Variants in NETO2 observed in about 807,000 individuals in gnomAD.
NETO2 encodes neuropilin and tolloid like 2, also known as neuropilin and tolloid-like protein 2.
In NETO2, 28 loss-of-function variants were observed where a neutral mutation model predicts 62.5. That is an observed-to-expected ratio of 0.45 (90% CI 0.33 to 0.61). The LOEUF is 0.61. Among genes scored for constraint, NETO2 ranks in the 20% least tolerant of loss-of-function variants. NETO2 has a pLI of 0.02. For synonymous variants in NETO2, 214 were observed against 219.1 expected, an observed-to-expected ratio of 0.98 and a Z score of 0.21; for missense variants, 548 against 643.2, an observed-to-expected ratio of 0.85 and a Z score of 1.60.
intron 3 of NETO2, 143 bp from the exon 4 acceptor site, chr16:47,128,716 G>T: frequency 2.4e-6 from 2 of 849,132 alleles, no homozygotes; most frequent in Non-Finnish European, 3.6e-6. Context: ...TACAAGTCAT[G>T]ATAAATGTAT....
intron 7 of NETO2, among the ~76,000 whole-genome samples, chr16:47,108,841 C>CG (rs1963727921): frequency 6.6e-6 from 1 of 152,120 alleles, no homozygotes; most frequent in African/African-American, 2.4e-5. Flanking sequence ...TCTGAGTGAA[C>CG]GGCACATAGG....
At chr16:47,132,060 T>G (rs1478923081) in intron 1 of NETO2, 35 bp from the exon 2 acceptor site, 1 of 1,484,194 alleles carries the variant, frequency 6.7e-7, no homozygotes, top group Admixed American at 1.7e-5. Flanking sequence ...GTTATGAAAT[T>G]GAATCTATAC....
rs149448409 is a variant in NETO2, at chr16:47,083,825, T to C, written c.998-24A>G. ...TTCTGCAGAAAGAAAATGAGAAACG[T>C]TAAGTTTTCAAAATACATTAATATG... On this transcript the variant is annotated intron_variant, in intron 8 of 8. Coordinates refer to ENST00000562435, the MANE Select transcript of NETO2 (RefSeq NM_018092.5). 2.8e-3 allele frequency: 4,265 copies of C among 1,524,270 alleles called. 16 individuals are homozygous for C. Among genetic ancestry groups the C allele is most frequent in the Non-Finnish European group, 3.6e-3 (4,022 of 1,124,414 alleles). The allele number at this position is 1,524,270 out of a possible 1,614,324, so 94.4% of individuals were successfully genotyped here.
chr16:47,089,637 T>C (rs925676909), intron 7 of NETO2, among the ~76,000 whole-genome samples: 1 of 152,204 alleles, frequency 6.6e-6, no homozygotes, highest in Admixed American at 6.5e-5. Flanking sequence ...CCAAGGCTCA[T>C]CGGAAAGACA....
chr16:47,124,437 T>G (rs547655026), intron 4 of NETO2, among the ~76,000 whole-genome samples: 1 of 152,212 alleles, frequency 6.6e-6, no homozygotes, highest in East Asian at 1.9e-4. Flanking sequence ...GAGAATTTCA[T>G]TAAAAAAAAT....
Position 47,109,726 on chromosome 16 carries a change from C to T in NETO2, c.655-15G>A, listed in dbSNP as rs776724102. On this transcript the variant is annotated splice_polypyrimidine_tract_variant and intron_variant, in intron 6 of 8. Transcript: ENST00000562435. ...CTCAAATAAATCTGTAATATTAACA[C>T]AAAAACACTGCTTTTAAAAAGATAT... 5 of 1,518,526 alleles carry T rather than the reference C, an allele frequency of 3.3e-6. No homozygotes were observed. The highest frequency in any genetic ancestry group is 2.7e-6 in the Non-Finnish European group (3 of 1,095,522). 94.1% of individuals were successfully genotyped at this position (1,518,526 alleles called of 1,614,324 possible). A position where few individuals can be genotyped will look rare whatever the true frequency, so the allele number is the denominator to read the frequency against.
chr16:47,113,773 A>C (rs1596725987), intron 6 of NETO2, among the ~76,000 whole-genome samples: 1 of 151,700 alleles, frequency 6.6e-6, no homozygotes, highest in Admixed American at 6.6e-5. Context: ...TTGTATTTTC[A>C]GTAGAGACAG....
rs544307340 is a variant in NETO2 at position 47,112,964 on chromosome 16, C to T, written c.655-3253G>A. Among the ~76,000 whole-genome samples, 11 of 152,210 alleles carry T rather than the reference C, an allele frequency of 7.2e-5. No individual in the cohort carries two copies. The East Asian group carries it at 1.7e-3, about 24-fold the overall frequency. On this transcript the variant is annotated intron_variant, in intron 6 of 8. Transcript: ENST00000562435. ...TTCCATATATTTTAAAACCTCATAC[C>T]AATTATAGAAATAAATCACTATGTA...
chr16:47,128,297 AC>A, intron 4 of NETO2, 27 bp downstream of exon 4: 4 of 1,600,350 alleles, frequency 2.5e-6, no homozygotes, highest in Non-Finnish European at 3.4e-6. Context: ...GAGATGCCCA[AC>A]CACTTAAAAG....
intron 6 of NETO2, among the ~76,000 whole-genome samples, chr16:47,121,407 C>G (rs1484557313): frequency 1.3e-5 from 2 of 152,044 alleles, no homozygotes; most frequent in Non-Finnish European, 2.9e-5. Context: ...TTTAATGCAC[C>G]CAGGACCATT....
Position 47,122,642 on chromosome 16 carries a change from A to G in NETO2, c.654+15T>C. ...ATGATGTTCTTCTCTGAAGCGACTC[A>G]ATACATAATAATACCTTAGCTTTTG... On this transcript the variant is annotated intron_variant, in intron 6 of 8. Transcript: ENST00000562435. 1 of 1,609,664 alleles carries G rather than the reference A, an allele frequency of 6.2e-7. No homozygotes were observed. The highest frequency in any genetic ancestry group is 8.5e-7 in the Non-Finnish European group (1 of 1,178,934).
intron 6 of NETO2, among the ~76,000 whole-genome samples, chr16:47,114,777 C>T (rs911067301): frequency 1.3e-5 from 2 of 151,932 alleles, no homozygotes; most frequent in African/African-American, 4.8e-5. Context: ...GATACTCTTT[C>T]GGTGTTGCAT....
intron 1 of NETO2, among the ~76,000 whole-genome samples, chr16:47,133,863 C>T (rs1014894405): frequency 6.6e-6 from 1 of 152,094 alleles, no homozygotes; most frequent in Non-Finnish European, 1.5e-5. Flanking sequence ...GGTTTTTAAA[C>T]AAGTGTATGA....
intron 6 of NETO2, among the ~76,000 whole-genome samples, chr16:47,119,551 G>T (rs1416626439): frequency 6.6e-6 from 1 of 150,386 alleles, no homozygotes; most frequent in Non-Finnish European, 1.5e-5. Flanking sequence ...TATTCTTTTT[G>T]TATCTTCGTT....
intron 6 of NETO2, among the ~76,000 whole-genome samples, chr16:47,120,595 TTCTA>T (rs1235383854): frequency 1.3e-5 from 2 of 152,222 alleles, no homozygotes; most frequent in Non-Finnish European, 2.9e-5. Context: ...CAGATATTAA[TTCTA>T]TCTAATTATA....
intron 6 of NETO2, among the ~76,000 whole-genome samples, chr16:47,113,965 C>T (rs1963855838): frequency 6.6e-6 from 1 of 152,110 alleles, no homozygotes; most frequent in Admixed American, 6.5e-5. Context: ...TTGTTATGAA[C>T]ATTTACTTAT....
At chr16:47,095,476 A>G (rs1596707574) in intron 7 of NETO2, among the ~76,000 whole-genome samples, 1 of 152,212 alleles carries the variant, frequency 6.6e-6, no homozygotes, top group South Asian at 2.1e-4. Flanking sequence ...GATATAAAAA[A>G]GTTGAAAGTA....
In NETO2 at chr16:47,109,465, T is replaced by C. The variant is rs1225768711; in HGVS notation, c.883+18A>G. On this transcript the variant is annotated intron_variant, in intron 7 of 8. Coordinates refer to ENST00000562435, the MANE Select transcript of NETO2 (RefSeq NM_018092.5). ...AAATATGTAAAAGATCTCAATACTA[T>C]AGGAATTATTTACTTACGCTCCACA... is the stretch of plus-strand genomic sequence containing the variant. 19 of 1,566,658 alleles carry C rather than the reference T, an allele frequency of 1.2e-5. No individual in the cohort carries two copies. Among genetic ancestry groups the C allele is most frequent in the Admixed American group, 6.7e-5 (4 of 59,920 alleles).
At chr16:47,141,904 T>C (rs1207765398) in intron 1 of NETO2, among the ~76,000 whole-genome samples, 2 of 152,218 alleles carry the variant, frequency 1.3e-5, no homozygotes, top group African/African-American at 4.8e-5. Context: ...GCAGAAACGC[T>C]GCAAATCCCT....
Sources: gnomAD v4.1 joint callset for allele counts (sites outside exome capture counted in the v4.1 genomes callset) on GRCh38, gnomAD v4.1.1 for gene constraint, MANE v1.5 for transcripts, NCBI Gene and HGNC (gene_info 2026-07-23, HGNC 2026-07-21) for gene names.